ITGA9: variants seen among roughly 807,000 people sequenced by gnomAD.
ITGA9 encodes the protein integrin alpha-9.
ITGA9 carries 56 observed loss-of-function variants against 127.8 expected under a neutral mutation model. That is an observed-to-expected ratio of 0.44 (90% CI 0.35 to 0.55). The LOEUF is 0.55. Among genes scored for constraint, ITGA9 ranks in the 20% least tolerant of loss-of-function variants. The pLI is 0.00. For missense variants in ITGA9, 1,196 were observed against 1,347.1 expected, an observed-to-expected ratio of 0.89 and a Z score of 1.76; for synonymous variants, 508 against 514.5, an observed-to-expected ratio of 0.99 and a Z score of 0.17.
intron 11 of ITGA9, 150 bp downstream of exon 11, chr3:37,519,504 A>T (rs894733390): frequency 1.4e-6 from 1 of 691,946 alleles, no homozygotes; most frequent in African/African-American, 1.8e-5. Context: ...GATACAATTA[A>T]TATTGCTTAT....
chr3:37,753,771 C>T (rs1212937001), intron 23 of ITGA9: 1 of 152,178 alleles, frequency 6.6e-6, no homozygotes, highest in African/African-American at 2.4e-5. Flanking sequence ...CTGACTTAGG[C>T]ATGGAGAAGG....
intron 18 of ITGA9, among the ~76,000 whole-genome samples, chr3:37,699,798 C>CT (rs1465761485): frequency 6.6e-6 from 1 of 152,208 alleles, no homozygotes; most frequent in Non-Finnish European, 1.5e-5. Flanking sequence ...ACACACTAAG[C>CT]TTATCCCTGC....
chr3:37,564,753 G>T (rs1699529042), intron 15 of ITGA9, among the ~76,000 whole-genome samples: 1 of 152,156 alleles, frequency 6.6e-6, no homozygotes, highest in South Asian at 2.1e-4. Context: ...TGAGCCCTGG[G>T]GCTTACCCTG....
chr3:37,633,799 A>C (rs1333602676), intron 16 of ITGA9, among the ~76,000 whole-genome samples: 1 of 152,134 alleles, frequency 6.6e-6, no homozygotes, highest in Non-Finnish European at 1.5e-5. Context: ...ACTGACTGGG[A>C]CCTGCAGCTC....
chr3:37,499,955 G>C (rs893987691), intron 5 of ITGA9, among the ~76,000 whole-genome samples: 1 of 152,244 alleles, frequency 6.6e-6, no homozygotes, highest in African/African-American at 2.4e-5. Context: ...CCAATGTTCC[G>C]AAGAGCCTTT....
At chr3:37,615,377 A>G (rs892071209) in intron 15 of ITGA9, among the ~76,000 whole-genome samples, 1 of 152,188 alleles carries the variant, frequency 6.6e-6, no homozygotes, top group Non-Finnish European at 1.5e-5. Context: ...CCAGTATTTT[A>G]TTGAGGATTT....
intron 14 of ITGA9, among the ~76,000 whole-genome samples, chr3:37,534,743 G>C (rs1699192514): frequency 6.6e-6 from 1 of 152,336 alleles, no homozygotes; most frequent in Non-Finnish European, 1.5e-5. Context: ...TGGTTAGTGA[G>C]GGAGGATTAA....
chr3:37,553,235 A>G (rs1025766906), intron 15 of ITGA9, among the ~76,000 whole-genome samples: 1 of 152,222 alleles, frequency 6.6e-6, no homozygotes, highest in Non-Finnish European at 1.5e-5. Flanking sequence ...GAACAAGGAC[A>G]TTCTTTTACG....
chr3:37,620,626 A>G (rs1185861764), intron 15 of ITGA9, among the ~76,000 whole-genome samples: 1 of 152,162 alleles, frequency 6.6e-6, no homozygotes, highest in African/African-American at 2.4e-5. Flanking sequence ...TCTGACCTTG[A>G]ACTGGCTGAC....
At chr3:37,520,496 T>G (rs1200128330) in intron 11 of ITGA9, among the ~76,000 whole-genome samples, 1 of 151,018 alleles carries the variant, frequency 6.6e-6, no homozygotes, top group East Asian at 1.9e-4. Flanking sequence ...TGCCTGAAAC[T>G]TGTTATCGTA....
Position 37,718,408 on chromosome 3 carries a change from A to G in ITGA9, c.2068-14304A>G, listed in dbSNP as rs185704432. On this transcript the variant is annotated intron_variant, in intron 18 of 27. Coordinates refer to ENST00000264741, the MANE Select transcript of ITGA9 (RefSeq NM_002207.3). ...TAGGAGGCTCCAGACAACTGACTCA[A>G]AGACAGAGAGGACCATAATACCAGG... is the stretch of plus-strand genomic sequence containing the variant. Among the ~76,000 whole-genome samples the G allele has an allele frequency of 1.5e-4, 23 of 152,312 alleles. No homozygotes were observed. The East Asian group carries it at 4.4e-3, about 29-fold the overall frequency.
At chr3:37,701,386 A>C (rs1461478985) in intron 18 of ITGA9, among the ~76,000 whole-genome samples, 1 of 152,238 alleles carries the variant, frequency 6.6e-6, no homozygotes, top group Non-Finnish European at 1.5e-5. Context: ...TATATTAGGA[A>C]GTGAGACAGA....
Position 37,519,318 on chromosome 3 carries a change from T to C in ITGA9, c.1200T>C (p.His400=). The C allele has an allele frequency of 1.2e-6, 2 of 1,614,162 alleles. No homozygotes were observed. Among genetic ancestry groups the C allele is most frequent in the Middle Eastern group, 1.6e-4 (1 of 6,062 alleles). ...TCGCAGGGGCGGTCTATATCTATCA[T>C]GGTGATGCCGGTGGGATAGTCCCTC... ...DDFAGAVYIY[H]GDAGGIVPQY... is the part of the protein sequence containing the mutation. The change falls in exon 11 of 28, where the codon CAT becomes CAC. Residue 400 remains histidine (H), a synonymous_variant. Transcript: ENST00000264741.
At chr3:37,561,199 A>T (rs1305256685) in intron 15 of ITGA9, among the ~76,000 whole-genome samples, 1 of 152,236 alleles carries the variant, frequency 6.6e-6, no homozygotes, top group Non-Finnish European at 1.5e-5. Flanking sequence ...TTAGTCCAAT[A>T]TAGCCAAAAT....
At chr3:37,481,851 G>C (rs1216191350) in intron 4 of ITGA9, among the ~76,000 whole-genome samples, 2 of 152,196 alleles carry the variant, frequency 1.3e-5, no homozygotes, top group South Asian at 2.1e-4. Flanking sequence ...CAGAGCCCAC[G>C]GTGCTTACCA....
intron 17 of ITGA9, among the ~76,000 whole-genome samples, chr3:37,680,158 C>G (rs1016761904): frequency 6.6e-6 from 1 of 152,124 alleles, no homozygotes; most frequent in Non-Finnish European, 1.5e-5. Context: ...TCTCAATTTC[C>G]TCATCTCTCT....
In ITGA9 at chr3:37,512,709, G is replaced by C. The variant is rs560485181; in HGVS notation, c.898-1054G>C. ...GCTTCTTTTGGAAAATGGAAAGGTT[G>C]CTCCTCTCTGGGTCAGCATTCCTCT... On this transcript the variant is annotated intron_variant, in intron 8 of 27. Transcript: ENST00000264741. Among the ~76,000 whole-genome samples, 3 of 152,248 alleles carry C rather than the reference G, an allele frequency of 2.0e-5. No individual in the cohort carries two copies. In the East Asian group the frequency reaches 5.8e-4, roughly 29 times the overall value.
intron 15 of ITGA9, among the ~76,000 whole-genome samples, chr3:37,600,446 T>G (rs1575163015): frequency 6.6e-6 from 1 of 152,154 alleles, no homozygotes; most frequent in Non-Finnish European, 1.5e-5. Context: ...GGTGGCCTCT[T>G]CCCTAGCCCC....
At chr3:37,638,451 G>A (rs1466182392) in intron 16 of ITGA9, among the ~76,000 whole-genome samples, 48 of 127,584 alleles carry the variant, frequency 3.8e-4, no homozygotes, top group East Asian at 4.7e-4. Flanking sequence ...TGATTATGGG[G>A]AAAAAAAAAA....
Sources: allele counts gnomAD v4.1 joint callset (sites outside exome capture counted in the v4.1 genomes callset), GRCh38; gene constraint gnomAD v4.1.1; transcripts MANE v1.5; gene names NCBI Gene and HGNC (gene_info 2026-07-23, HGNC 2026-07-21).